The following PLEKHG1 variants were observed in gnomAD, a reference collection of about 807,000 sequenced individuals.
The protein encoded by PLEKHG1 is pleckstrin homology domain-containing family G member 1.
A neutral mutation model predicts 100.8 loss-of-function variants in PLEKHG1; 44 were observed. The observed-to-expected ratio is 0.44, with a 90% CI of 0.34 to 0.56. The LOEUF (loss-of-function observed/expected upper bound fraction) is 0.56. Ranked by LOEUF, PLEKHG1 falls within the 20% of genes least tolerant of loss-of-function variation. PLEKHG1 has a pLI of 0.01. For missense variants in PLEKHG1, 1,545 were observed against 1,720.9 expected (o/e 0.90, Z 1.81); for synonymous variants, 640 against 662.5 (o/e 0.97, Z 0.52).
intron 3 of PLEKHG1, among the ~76,000 whole-genome samples, chr6:150,656,001 A>G (rs943500798): frequency 6.6e-6 from 1 of 152,018 alleles, no homozygotes; most frequent in African/African-American, 2.4e-5. Context: ...AATGTAGATG[A>G]TGGGTTGATG....
At chr6:150,674,687 C>CCA in intron 3 of PLEKHG1, among the ~76,000 whole-genome samples, 1 of 142,216 alleles carries the variant, frequency 7.0e-6, no homozygotes, top group Non-Finnish European at 1.5e-5. Flanking sequence ...CTCTCTCCCC[C>CCA]CTCTTCTCTT....
At chr6:150,643,128 A>G (rs1429866711) in intron 2 of PLEKHG1, among the ~76,000 whole-genome samples, 1 of 152,210 alleles carries the variant, frequency 6.6e-6, no homozygotes, top group Admixed American at 6.5e-5. Context: ...ACCTACTGGA[A>G]TGCCTCATCT....
intron 3 of PLEKHG1, among the ~76,000 whole-genome samples, chr6:150,779,300 C>T (rs1219105054): frequency 6.8e-6 from 1 of 147,698 alleles, no homozygotes. Flanking sequence ...GGAGGCAATC[C>T]GAACATACAA....
intron 10 of PLEKHG1, among the ~76,000 whole-genome samples, chr6:150,813,098 G>A (rs1005367702): frequency 3.3e-5 from 5 of 152,020 alleles, no homozygotes; most frequent in Non-Finnish European, 7.4e-5. Context: ...GAGGTCAGGA[G>A]ATCAAGACCA....
At chr6:150,792,371 A>AC (rs1786036923) in intron 4 of PLEKHG1, among the ~76,000 whole-genome samples, 1 of 149,710 alleles carries the variant, frequency 6.7e-6, no homozygotes, top group Non-Finnish European at 1.5e-5. Flanking sequence ...AAAAAAAAAA[A>AC]CCAAAAAAAC....
intron 1 of PLEKHG1, among the ~76,000 whole-genome samples, chr6:150,623,758 C>T (rs1401985808): frequency 6.6e-6 from 1 of 152,216 alleles, no homozygotes; most frequent in Non-Finnish European, 1.5e-5. Flanking sequence ...ACACGTTTGT[C>T]ATGTGCCTCT....
intron 15 of PLEKHG1, among the ~76,000 whole-genome samples, chr6:150,834,651 A>T (rs1036483216): frequency 6.6e-6 from 1 of 151,928 alleles, no homozygotes; most frequent in African/African-American, 2.4e-5. Flanking sequence ...TTTTCTTTTC[A>T]CTTTTGGTTG....
At position 150,840,296 on chromosome 6, in the gene PLEKHG1, C is replaced by T. The variant is rs546939931; in HGVS notation, c.3558C>T (p.Ser1186=). ...ATCACAGGTCCCAGTCATCTTCCTCCGTCTTGATCAACAAATCAATGGATT... is the reference window on the plus strand; with the variant it reads ...ATCACAGGTCCCAGTCATCTTCCTCTGTCTTGATCAACAAATCAATGGATT... The change falls in exon 16 of 16, where the codon TCC becomes TCT. Residue 1186 remains serine, a synonymous_variant. Transcript: ENST00000358517. 7.3e-5 allele frequency: 118 copies of T among 1,614,122 alleles called. 3 individuals carry two copies. In the South Asian group the frequency reaches 1.0e-3, roughly 14 times the overall value.
intron 3 of PLEKHG1, among the ~76,000 whole-genome samples, chr6:150,776,991 G>A (rs1229737507): frequency 1.8e-5 from 2 of 113,204 alleles, no homozygotes; most frequent in East Asian, 5.5e-4. Flanking sequence ...GCCACACTGA[G>A]GCAATCCTGG....
At chr6:150,707,146 A>T (rs1192870193) in intron 3 of PLEKHG1, among the ~76,000 whole-genome samples, 1 of 151,390 alleles carries the variant, frequency 6.6e-6, no homozygotes, top group Admixed American at 6.6e-5. Flanking sequence ...CTGGGATTAC[A>T]GGTGCGCGCC....
chr6:150,804,833 A>T, intron 7 of PLEKHG1, 92 bp downstream of exon 8: 1 of 1,171,820 alleles, frequency 8.5e-7, no homozygotes, highest in Non-Finnish European at 1.2e-6. Context: ...CAAGTACTGC[A>T]CTACACTCAT....
intron 3 of PLEKHG1, among the ~76,000 whole-genome samples, chr6:150,678,100 A>ATATATATG: frequency 7.4e-6 from 1 of 135,018 alleles, no homozygotes; most frequent in East Asian, 2.1e-4. Context: ...ATATATATAT[A>ATATATATG]TATGTTGTGG....
intron 3 of PLEKHG1, among the ~76,000 whole-genome samples, chr6:150,679,897 G>A (rs1779878328): frequency 6.6e-6 from 1 of 152,214 alleles, no homozygotes; most frequent in East Asian, 1.9e-4. Flanking sequence ...ACTGAGGCGG[G>A]GGCAGAAAAG....
intron 1 of PLEKHG1, among the ~76,000 whole-genome samples, chr6:150,628,527 AACACACACACACACACACACAC>A (rs565121317): frequency 1.4e-4 from 13 of 94,756 alleles, no homozygotes; most frequent in Admixed American, 6.4e-4. Flanking sequence ...TAGATAGGAA[AACACACACACACACACACACAC>A]ACACACACAC....
At chr6:150,824,759 AC>A (rs1165936088) in intron 14 of PLEKHG1, among the ~76,000 whole-genome samples, 3 of 152,124 alleles carry the variant, frequency 2.0e-5, no homozygotes, top group Non-Finnish European at 4.4e-5. Flanking sequence ...GGAACTCCAG[AC>A]CACAGGTGAC....
At chr6:150,811,741 G>C (rs1787545833) in intron 10 of PLEKHG1, among the ~76,000 whole-genome samples, 1 of 152,112 alleles carries the variant, frequency 6.6e-6, no homozygotes, top group African/African-American at 2.4e-5. Context: ...GCTGGGGCAG[G>C]GACGGGAAGG....
intron 2 of PLEKHG1, among the ~76,000 whole-genome samples, chr6:150,740,038 CCTT>C (rs1012252001): frequency 6.6e-6 from 1 of 152,350 alleles, no homozygotes; most frequent in African/African-American, 2.4e-5. Flanking sequence ...GGGAAGCAAA[CCTT>C]CTCCAAAATT....
chr6:150,832,399 G>A (rs1456090372), intron 15 of PLEKHG1, among the ~76,000 whole-genome samples, 194 bp downstream of exon 16: 2 of 152,214 alleles, frequency 1.3e-5, no homozygotes, highest in African/African-American at 4.8e-5. Context: ...ATTGTAGCAT[G>A]ATTTGGCCTC....
chr6:150,655,600 C>T (rs1187505315), intron 3 of PLEKHG1, among the ~76,000 whole-genome samples: 3 of 145,042 alleles, frequency 2.1e-5, no homozygotes, highest in Admixed American at 7.2e-5. Context: ...CTCAGCTACT[C>T]GGGAGGCTGA....
Sources: gnomAD v4.1 joint callset for allele counts (sites outside exome capture counted in the v4.1 genomes callset) on GRCh38, gnomAD v4.1.1 for gene constraint, MANE v1.5 for transcripts, NCBI Gene and HGNC (gene_info 2026-07-23, HGNC 2026-07-21) for gene names.